The following SGK1 variants were observed in gnomAD, a reference collection of about 807,000 sequenced individuals.
SGK1 encodes the protein serum/glucocorticoid regulated kinase 1.
A neutral mutation model predicts 64.2 loss-of-function variants in SGK1; 26 were observed. The observed-to-expected ratio is 0.40, with a 90% CI of 0.30 to 0.56. The LOEUF (loss-of-function observed/expected upper bound fraction) is 0.56. SGK1 is among the 20% of genes least tolerant of loss of function. The pLI is 0.38. For synonymous variants in SGK1, 265 were observed against 239.7 expected (o/e 1.11, Z -0.98); for missense variants, 519 against 645.6 (o/e 0.80, Z 2.12).
chr6:134,253,507 A>C (rs771050554), intron 2 of SGK1, among the ~76,000 whole-genome samples: 4 of 152,038 alleles, frequency 2.6e-5, no homozygotes, highest in Non-Finnish European at 5.9e-5. Context: ...AAGAAAAAAA[A>C]CAATTAGCTG....
rs914644814 is a variant in SGK1 at position 134,174,880 on chromosome 6, C to T, written c.362-294G>A. ...GGCGTATGCTGCGCCAGGCCGCGCG[C>T]TCGGCCTTATAAAAAAGGCACCGCC... On this transcript the variant is annotated intron_variant, in intron 3 of 13. Coordinates refer to ENST00000367858, the MANE Select transcript of SGK1 (RefSeq NM_001143676.3). The T allele has an allele frequency of 1.1e-5, 18 of 1,604,156 alleles. No homozygotes were observed. The African/African-American group carries it at 1.9e-4, about 17-fold the overall frequency.
chr6:134,176,307 G>A (rs1430561227), intron 3 of SGK1, among the ~76,000 whole-genome samples: 2 of 152,208 alleles, frequency 1.3e-5, no homozygotes, highest in Non-Finnish European at 2.9e-5. Context: ...CACCTCGCTC[G>A]CTCTTTATGT....
intron 2 of SGK1, among the ~76,000 whole-genome samples, chr6:134,224,848 C>G (rs1221428109): frequency 6.7e-6 from 1 of 149,810 alleles, no homozygotes; most frequent in East Asian, 2.0e-4. Context: ...TGGTGAAACC[C>G]CATCTCTATA....
intron 3 of SGK1, among the ~76,000 whole-genome samples, chr6:134,204,344 G>A (rs1205048223): frequency 6.6e-6 from 1 of 151,456 alleles, no homozygotes; most frequent in Non-Finnish European, 1.5e-5. Flanking sequence ...ATGAGCTCTT[G>A]TAGGAGGGAC....
chr6:134,197,894 A>G (rs1324286508), intron 3 of SGK1, among the ~76,000 whole-genome samples: 3,300 of 46,726 alleles, frequency 0.071, 129 homozygotes, highest in African/African-American at 0.13. Context: ...AATAAAATAA[A>G]ATAAAATATA....
At chr6:134,269,344 GA>G (rs1280835310) in intron 1 of SGK1, among the ~76,000 whole-genome samples, 2 of 147,010 alleles carry the variant, frequency 1.4e-5, no homozygotes, top group Non-Finnish European at 3.0e-5. Context: ...TCAATTTCGA[GA>G]GAGTCAGCCC....
At chr6:134,172,387 A>G in intron 9 of SGK1, 71 bp from the exon 10 acceptor site, 7 of 1,483,254 alleles carry the variant, frequency 4.7e-6, no homozygotes, top group Non-Finnish European at 6.5e-6. Flanking sequence ...CTTAAAGATA[A>G]TTGCTAAAGG....
chr6:134,267,096 T>A (rs1467649684), intron 1 of SGK1, among the ~76,000 whole-genome samples: 1 of 152,178 alleles, frequency 6.6e-6, no homozygotes, highest in Non-Finnish European at 1.5e-5. Context: ...AGAATCTTTG[T>A]ATCTTGAAAT....
intron 2 of SGK1, among the ~76,000 whole-genome samples, chr6:134,236,770 T>C (rs536781987): frequency 1.3e-5 from 2 of 152,322 alleles, no homozygotes; most frequent in East Asian, 3.9e-4. Flanking sequence ...TGTTAAAGCC[T>C]TTTTCTTTAG....
intron 1 of SGK1, among the ~76,000 whole-genome samples, chr6:134,293,735 AGATATAAT>A (rs1777299931): frequency 6.6e-6 from 1 of 152,220 alleles, no homozygotes; most frequent in African/African-American, 2.4e-5. Context: ...GACATAAATC[AGATATAAT>A]TATCTGATTT....
intron 3 of SGK1, among the ~76,000 whole-genome samples, chr6:134,175,321 G>T (rs562686204): frequency 6.6e-6 from 1 of 152,232 alleles, no homozygotes; most frequent in South Asian, 2.1e-4. Flanking sequence ...CCGTCCTGCG[G>T]CCGGACTCCC....
chr6:134,241,561 C>T (rs564692030), intron 2 of SGK1, among the ~76,000 whole-genome samples: 3 of 152,190 alleles, frequency 2.0e-5, no homozygotes, highest in East Asian at 1.9e-4. Context: ...CACCCAAATG[C>T]AGGCTCTACG....
intron 1 of SGK1, among the ~76,000 whole-genome samples, chr6:134,282,336 A>G (rs1380750836): frequency 6.6e-6 from 1 of 152,164 alleles, no homozygotes; most frequent in East Asian, 1.9e-4. Flanking sequence ...TTTGTGTGTC[A>G]GCTTTACAAT....
At chr6:134,218,429 CT>C (rs1367312909) in intron 2 of SGK1, among the ~76,000 whole-genome samples, 2 of 92,506 alleles carry the variant, frequency 2.2e-5, no homozygotes, top group African/African-American at 6.3e-5. Flanking sequence ...TCTTTTCTTT[CT>C]TTTTTTCTTT....
At chr6:134,295,635 G>A (rs184531118) in intron 1 of SGK1, among the ~76,000 whole-genome samples, 118 of 152,126 alleles carry the variant, frequency 7.8e-4, no homozygotes, top group African/African-American at 2.7e-3. Context: ...CCTGGGACCC[G>A]GAGGTTGCAG....
intron 2 of SGK1, among the ~76,000 whole-genome samples, chr6:134,228,674 T>C (rs1248518427): frequency 6.6e-6 from 1 of 152,190 alleles, no homozygotes; most frequent in African/African-American, 2.4e-5. Flanking sequence ...TTTTTACTTG[T>C]ATATCAAGTT....
rs9402577 is a variant in SGK1 at position 134,252,543 on chromosome 6, C to T, written c.285+9390G>A. 5.3e-5 allele frequency among the ~76,000 whole-genome samples: 7 copies of T among 133,174 alleles called. No homozygotes were observed. In the East Asian group the frequency reaches 1.6e-3, roughly 30 times the overall value. 87.4% of individuals were successfully genotyped at this position (133,174 alleles called of 152,430 possible). A position where few individuals can be genotyped will look rare whatever the true frequency, so the allele number is the denominator to read the frequency against. ...GGTTCATTTTTGTAAATTTAACAAC[C>T]GAGACTCAGATTTAAAAAAAAATTG... On this transcript the variant is annotated intron_variant, in intron 2 of 13. Coordinates refer to ENST00000367858, the MANE Select transcript of SGK1 (RefSeq NM_001143676.3).
chr6:134,210,997 C>T (rs1339041669), intron 2 of SGK1, among the ~76,000 whole-genome samples: 16 of 151,606 alleles, frequency 1.1e-4, no homozygotes, highest in African/African-American at 2.9e-4. Flanking sequence ...TGGGGGCACA[C>T]GCCTGTAATC....
At chr6:134,213,633 A>AATAAATAAATAAATAAATAAATAT (rs1775928881) in intron 2 of SGK1, among the ~76,000 whole-genome samples, 1 of 121,520 alleles carries the variant, frequency 8.2e-6, no homozygotes, top group Non-Finnish European at 1.8e-5. Context: ...TAAATAAATA[A>AATAAATAAATAAATAAATAAATAT]ATAAATAAAT....
Sources: allele counts gnomAD v4.1 joint callset (sites outside exome capture counted in the v4.1 genomes callset), GRCh38; gene constraint gnomAD v4.1.1; transcripts MANE v1.5; gene names NCBI Gene and HGNC (gene_info 2026-07-23, HGNC 2026-07-21).